PTPRA: variants seen among roughly 807,000 people sequenced by gnomAD.
The protein encoded by PTPRA is receptor-type tyrosine-protein phosphatase alpha.
Under a neutral mutation model 104.8 loss-of-function variants are expected in PTPRA, and 25 were observed. That is an observed-to-expected ratio of 0.24 (90% confidence interval 0.17 to 0.33). PTPRA has a LOEUF of 0.33. Ranked by LOEUF, PTPRA falls within the 10% of genes least tolerant of loss-of-function variation. The pLI is 1.00. For missense variants in PTPRA, 765 were observed against 1,015.3 expected (o/e 0.75, Z 3.35); for synonymous variants, 323 against 368.9 (o/e 0.88, Z 1.43).
intron 1 of PTPRA, among the ~76,000 whole-genome samples, chr20:2,898,015 C>T (rs561244151): frequency 2.7e-5 from 4 of 150,544 alleles, no homozygotes; most frequent in Non-Finnish European, 5.9e-5. Flanking sequence ...CAGGTTCAAG[C>T]GATCCTCCTG....
chr20:2,926,837 C>G (rs2060317671), intron 2 of PTPRA, among the ~76,000 whole-genome samples: 2 of 132,150 alleles, frequency 1.5e-5, no homozygotes. Flanking sequence ...GTCGCTCAGG[C>G]TGGAGTACAG....
At chr20:2,909,815 GAT>G (rs1434886660) in intron 1 of PTPRA, among the ~76,000 whole-genome samples, 3 of 115,408 alleles carry the variant, frequency 2.6e-5, no homozygotes, top group East Asian at 5.4e-4. Flanking sequence ...TATAATATAA[GAT>G]AATATATATT....
intron 1 of PTPRA, among the ~76,000 whole-genome samples, chr20:2,897,408 G>A (rs1364023633): frequency 3.5e-4 from 38 of 108,870 alleles, no homozygotes; most frequent in Non-Finnish European, 5.0e-5. Flanking sequence ...TTTTTTTTGA[G>A]ACGGAGTCTC....
At chr20:2,991,504 C>T (rs1250018479) in intron 9 of PTPRA, among the ~76,000 whole-genome samples, 4 of 152,282 alleles carry the variant, frequency 2.6e-5, no homozygotes, top group Admixed American at 6.5e-5. Context: ...TATGTGATCC[C>T]ATTACTATAC....
intron 11 of PTPRA, among the ~76,000 whole-genome samples, chr20:3,008,740 A>C (rs1212360944): frequency 6.2e-4 from 74 of 118,926 alleles, no homozygotes; most frequent in South Asian, 1.8e-3. Context: ...AAAAAAAAAA[A>C]AAAACAAAAA....
At chr20:2,900,657 A>T (rs1341449961) in intron 1 of PTPRA, among the ~76,000 whole-genome samples, 2 of 151,842 alleles carry the variant, frequency 1.3e-5, no homozygotes, top group African/African-American at 4.8e-5. Flanking sequence ...GGAGTTCGAG[A>T]CCAGCCTGAC....
At chr20:3,027,611 C>T in intron 19 of PTPRA, 96 bp from the exon 20 acceptor site, 1 of 1,480,024 alleles carries the variant, frequency 6.8e-7, no homozygotes, top group African/African-American at 1.4e-5. Context: ...GAGTTTGCCT[C>T]CGAGCAGTCC....
At position 2,964,993 on chromosome 20, in the gene PTPRA, T is replaced by C. The variant is rs1600183578; in HGVS notation, c.206T>C (p.Ile69Thr). 6.2e-7 allele frequency: 1 copy of C among 1,614,128 alleles called. No homozygotes were observed. The highest frequency in any genetic ancestry group is 8.5e-7 in the Non-Finnish European group (1 of 1,179,950). ...GTGGCACCAACATTCAGCCCAAATA[T>C]AACTCTGGGACCCACCTATTTAACC... ...LSVAPTFSPN[I>T]TLGPTYLTTV... Residue 69 changes from isoleucine (I) to threonine (T), a missense_variant, in exon 5 of 24, where the codon ATA becomes ACA. Coordinates refer to ENST00000399903, the MANE Select transcript of PTPRA (RefSeq NM_001385305.1).
chr20:2,910,598 TTGTTTTTTTTA>T (rs2059683183), intron 1 of PTPRA, among the ~76,000 whole-genome samples: 1 of 126,568 alleles, frequency 7.9e-6, no homozygotes, highest in Non-Finnish European at 1.6e-5. Context: ...TGTTTTTTTT[TTGTTTTTTTTA>T]ATTTTTTTTT....
intron 1 of PTPRA, among the ~76,000 whole-genome samples, chr20:2,883,370 A>AATGGTAGAGCGTTTTCCTC (rs1332279470): frequency 1.0e-5 from 1 of 98,628 alleles, no homozygotes; most frequent in Admixed American, 1.1e-4. Flanking sequence ...AGAAATGTGC[A>AATGGTAGAGCGTTTTCCTC]GGCCGGGCGC....
chr20:2,984,782 A>C (rs890672133), intron 6 of PTPRA, among the ~76,000 whole-genome samples: 2 of 152,120 alleles, frequency 1.3e-5, no homozygotes, highest in African/African-American at 4.8e-5. Context: ...AGCTCCTGAG[A>C]GCTACCATGC....
intron 1 of PTPRA, among the ~76,000 whole-genome samples, chr20:2,877,397 T>C (rs1371535142): frequency 6.6e-6 from 1 of 152,120 alleles, no homozygotes; most frequent in Non-Finnish European, 1.5e-5. Context: ...GTAGCTGGGA[T>C]TACAGGCATG....
chr20:2,964,323 T>C lies in PTPRA; in HGVS notation c.46T>C (p.Cys16Arg), dbSNP rs1203608193. 2.5e-6 allele frequency: 4 copies of C among 1,607,058 alleles called. No individual in the cohort carries two copies. In the African/African-American group the frequency reaches 4.0e-5, roughly 16 times the overall value. Reference protein sequence around the residue: ...ILVLLGSGLICVSANNATTVA... With the variant: ...ILVLLGSGLIRVSANNATTVA... ...TGTTCTGCTCGGCAGTGGTCTGATATGTGTCAGTGCCAACAATGCTACCAC... is the reference window on the plus strand; with the variant it reads ...TGTTCTGCTCGGCAGTGGTCTGATACGTGTCAGTGCCAACAATGCTACCAC... Residue 16 changes from cysteine (C) to arginine (R), a missense_variant, in exon 4 of 24, where the codon TGT (cysteine) becomes CGT (arginine). Transcript: ENST00000399903.
rs1265131950 is a variant in PTPRA, at chr20:2,873,555, C to G, written c.-334C>G. The G allele has an allele frequency of 6.6e-6, 1 of 151,640 alleles. No homozygotes were observed. Among genetic ancestry groups the G allele is most frequent in the Non-Finnish European group, 1.5e-5 (1 of 67,814 alleles). 9.4% of individuals were successfully genotyped at this position (151,640 alleles called of 1,614,324 possible). ...GCGCGCGATCGCGCTCGGACCCCGG[C>G]CGCTGCCGCCATCACTGTCGCCCGC... On this transcript the variant is annotated 5_prime_UTR_variant, in exon 1 of 24. Coordinates refer to ENST00000399903, the MANE Select transcript of PTPRA (RefSeq NM_001385305.1). The surrounding 1 kb of genome is among the most constrained non-coding windows in gnomAD (Gnocchi z 4.4).
At chr20:2,990,084 G>A (rs941991622) in intron 9 of PTPRA, among the ~76,000 whole-genome samples, 1 of 152,154 alleles carries the variant, frequency 6.6e-6, no homozygotes. Context: ...GAATAGTTGC[G>A]GGAATACAGT....
At chr20:2,875,082 T>A (rs1394379735) in intron 1 of PTPRA, among the ~76,000 whole-genome samples, 1 of 152,202 alleles carries the variant, frequency 6.6e-6, no homozygotes, top group African/African-American at 2.4e-5. Context: ...TCCTCCAAGT[T>A]GTCTTGTAGA....
chr20:3,016,117 A>G (rs2148382561), intron 12 of PTPRA, among the ~76,000 whole-genome samples: 1 of 152,366 alleles, frequency 6.6e-6, no homozygotes, highest in South Asian at 2.1e-4. Flanking sequence ...TGTATATTAA[A>G]AAGACTGGAA....
At chr20:3,029,977 G>A (rs140160115) in intron 20 of PTPRA, among the ~76,000 whole-genome samples, 6 of 152,104 alleles carry the variant, frequency 3.9e-5, no homozygotes, top group Non-Finnish European at 5.9e-5. Flanking sequence ...TGTTCCTGCC[G>A]TCTCTGATCA....
chr20:3,005,481 G>C (rs1374084687), intron 10 of PTPRA, among the ~76,000 whole-genome samples: 1 of 152,164 alleles, frequency 6.6e-6, no homozygotes, highest in African/African-American at 2.4e-5. Flanking sequence ...GCCCAGGGGG[G>C]CAGAGGTTGC....
Sources: gnomAD v4.1 joint callset for allele counts (sites outside exome capture counted in the v4.1 genomes callset) on GRCh38, gnomAD v4.1.1 for gene constraint, Gnocchi (gnomAD v3.1) non-coding constraint, MANE v1.5 for transcripts, NCBI Gene and HGNC (gene_info 2026-07-23, HGNC 2026-07-21) for gene names.